Variants in RUNX1T1 observed in about 807,000 individuals in gnomAD.
The protein encoded by RUNX1T1 is RUNX1 partner transcriptional co-repressor 1.
RUNX1T1 carries 4 observed loss-of-function variants against 62.8 expected under a neutral mutation model. That is an observed-to-expected ratio of 0.06 (90% confidence interval 0.03 to 0.15). The LOEUF is 0.15. RUNX1T1 is among the 10% of genes least tolerant of loss of function. The pLI, the probability that RUNX1T1 is intolerant of heterozygous loss-of-function variation, is 1.00. For missense variants in RUNX1T1, 508 were observed against 754.3 expected, an observed-to-expected ratio of 0.67 and a Z score of 3.82; for synonymous variants, 291 against 286.0, an observed-to-expected ratio of 1.02 and a Z score of -0.18.
At chr8:92,001,347 T>C (rs987064544) in intron 5 of RUNX1T1, among the ~76,000 whole-genome samples, 2 of 152,078 alleles carry the variant, frequency 1.3e-5, no homozygotes, top group African/African-American at 2.4e-5. Flanking sequence ...TTGGGCAACA[T>C]TGCAGACCAT....
At position 92,019,397 on chromosome 8, in the gene RUNX1T1, A is replaced by G. The variant is rs552837872; in HGVS notation, c.8-2034T>C. ...ACAGATTTGAAGCACGTGGTTGCAC[A>G]GACAGAGAAAGGAAGAGCAGGAGGG... is the stretch of plus-strand genomic sequence containing the variant. On this transcript the variant is annotated intron_variant, in intron 1 of 10. Transcript: ENST00000396218. 1.2e-4 allele frequency among the ~76,000 whole-genome samples: 18 copies of G among 152,230 alleles called. No individual in the cohort carries two copies. In the South Asian group the frequency reaches 2.5e-3, roughly 21 times the overall value.
chr8:92,076,680 G>T (rs1587500392), intron 1 of RUNX1T1, among the ~76,000 whole-genome samples: 1 of 151,550 alleles, frequency 6.6e-6, no homozygotes, highest in Admixed American at 6.6e-5. Flanking sequence ...TTATGTAATA[G>T]AATAGTTAAA....
chr8:92,060,553 A>ATATATATATGTGTG, intron 1 of RUNX1T1, among the ~76,000 whole-genome samples: 4 of 63,946 alleles, frequency 6.3e-5, no homozygotes, highest in Admixed American at 1.6e-4. Context: ...ATATATATAT[A>ATATATATATGTGTG]TGTGTGTGTG....
intron 4 of RUNX1T1, among the ~76,000 whole-genome samples, chr8:92,008,743 A>G (rs1241684148): frequency 1.3e-5 from 2 of 152,170 alleles, no homozygotes; most frequent in Non-Finnish European, 2.9e-5. Flanking sequence ...ATTAAATAGT[A>G]CTTCTGGAGA....
intron 1 of RUNX1T1, among the ~76,000 whole-genome samples, chr8:92,059,960 C>A (rs1290512581): frequency 2.6e-5 from 4 of 152,092 alleles, no homozygotes; most frequent in Non-Finnish European, 4.4e-5. Context: ...AGGGACTGTG[C>A]TCACTTATTG....
chr8:91,970,510 G>A, intron 10 of RUNX1T1, 148 bp downstream of exon 11: 1 of 667,004 alleles, frequency 1.5e-6, no homozygotes, highest in Non-Finnish European at 2.3e-6. Context: ...ATCAGCTCTT[G>A]GCAAATTTCA....
chr8:92,013,314 G>C (rs1267697458), intron 3 of RUNX1T1, among the ~76,000 whole-genome samples: 1 of 152,210 alleles, frequency 6.6e-6, no homozygotes, highest in Non-Finnish European at 1.5e-5. Context: ...GATGGACTGT[G>C]AGAAACATGG....
At chr8:91,997,941 T>G (rs760739048) in intron 5 of RUNX1T1, among the ~76,000 whole-genome samples, 23 of 152,220 alleles carry the variant, frequency 1.5e-4, no homozygotes, top group Non-Finnish European at 3.1e-4. Flanking sequence ...TTACTTTATT[T>G]TATTCTTATA....
chr8:91,981,154 G>C (rs1342500562), intron 8 of RUNX1T1, among the ~76,000 whole-genome samples: 1 of 152,070 alleles, frequency 6.6e-6, no homozygotes, highest in Non-Finnish European at 1.5e-5. Context: ...ATTATGACCT[G>C]CCAAAGGCCA....
In RUNX1T1 at chr8:91,973,107, C is replaced by T. The variant is rs10105353; in HGVS notation, c.1268-2259G>A. ...TAGGGTCTGTAGATTAAATAATAGT[C>T]TTCTATCAGTGATAAAGTCTTGATT... On this transcript the variant is annotated intron_variant, in intron 9 of 10. Transcript: ENST00000396218. Among the ~76,000 whole-genome samples the T allele has an allele frequency of 2.4e-3, 364 of 151,956 alleles. 1 individual carries two copies. Among genetic ancestry groups the T allele is most frequent in the African/African-American group, 8.5e-3 (352 of 41,512 alleles).
intron 1 of RUNX1T1, among the ~76,000 whole-genome samples, chr8:92,034,396 C>A (rs1235472115): frequency 6.6e-6 from 1 of 151,986 alleles, no homozygotes; most frequent in Non-Finnish European, 1.5e-5. Context: ...AAATGGAACC[C>A]ACCCCATAAA....
intron 1 of RUNX1T1, among the ~76,000 whole-genome samples, chr8:92,058,224 A>G (rs543840184): frequency 6.6e-6 from 1 of 152,174 alleles, no homozygotes; most frequent in Non-Finnish European, 1.5e-5. Flanking sequence ...GCACATTTTG[A>G]GCAACCTACA....
exon 11 of RUNX1T1, chr8:91,960,127 G>A (rs1563595063): frequency 9.2e-7 from 1 of 1,092,670 alleles, no homozygotes. Flanking sequence ...TACTGAAATA[G>A]GATAATTCAT....
intron 2 of RUNX1T1, 124 bp downstream of exon 3, chr8:92,017,102 T>C: frequency 1.4e-6 from 1 of 699,218 alleles, no homozygotes; most frequent in Non-Finnish European, 2.4e-6. Flanking sequence ...AAATGATTTT[T>C]TTTGGTTCAT....
intron 9 of RUNX1T1, among the ~76,000 whole-genome samples, chr8:91,973,999 A>G (rs1813388299): frequency 6.6e-6 from 1 of 152,054 alleles, no homozygotes; most frequent in Non-Finnish European, 1.5e-5. Context: ...TAAATAATCT[A>G]AACACTTCCT....
At chr8:92,022,116 C>T (rs1019075647) in intron 1 of RUNX1T1, among the ~76,000 whole-genome samples, 4 of 151,350 alleles carry the variant, frequency 2.6e-5, no homozygotes, top group Non-Finnish European at 5.9e-5. Flanking sequence ...CACTTGATGG[C>T]GATATTTTTT....
intron 2 of RUNX1T1, among the ~76,000 whole-genome samples, chr8:92,069,683 T>C (rs183876683): frequency 6.6e-6 from 1 of 152,314 alleles, no homozygotes; most frequent in East Asian, 1.9e-4. Context: ...ATTTTTAAAT[T>C]AATGTTTTAC....
chr8:91,955,394 G>GA (rs925124094), downstream of RUNX1T1: 4 of 227,284 alleles, frequency 1.8e-5, no homozygotes, highest in African/African-American at 6.7e-5. Flanking sequence ...TTCTTCTGTG[G>GA]AAAAAAAGAG....
intron 1 of RUNX1T1, among the ~76,000 whole-genome samples, chr8:92,090,270 G>A (rs1261224398): frequency 1.3e-5 from 2 of 151,464 alleles, no homozygotes; most frequent in Non-Finnish European, 2.9e-5. Context: ...CAGTAAAGGT[G>A]GTGTACAAGT....
Sources: gnomAD v4.1 joint callset for allele counts (sites outside exome capture counted in the v4.1 genomes callset) on GRCh38, gnomAD v4.1.1 for gene constraint, MANE v1.5 for transcripts, NCBI Gene and HGNC (gene_info 2026-07-23, HGNC 2026-07-21) for gene names.